TMTC2: variants seen among roughly 807,000 people sequenced by gnomAD.
TMTC2 encodes protein O-mannosyl-transferase TMTC2.
In TMTC2, 43 loss-of-function variants were observed where a neutral mutation model predicts 82.4. The observed-to-expected ratio is 0.52, with a 90% CI of 0.41 to 0.67. The LOEUF is 0.67. Among genes scored for constraint, TMTC2 ranks in the 30% least tolerant of loss-of-function variants. TMTC2 has a pLI of 0.00. For missense variants in TMTC2, 919 were observed against 1,012.4 expected, an observed-to-expected ratio of 0.91 and a Z score of 1.25; for synonymous variants, 408 against 381.9, an observed-to-expected ratio of 1.07 and a Z score of -0.80.
intron 4 of TMTC2, among the ~76,000 whole-genome samples, chr12:82,943,127 A>G (rs1457507199): frequency 6.6e-6 from 1 of 152,112 alleles, no homozygotes; most frequent in Non-Finnish European, 1.5e-5. Context: ...CAGTGTTTTT[A>G]AGAGATTTCG....
intron 4 of TMTC2, among the ~76,000 whole-genome samples, chr12:82,953,171 G>A (rs779241368): frequency 2.6e-5 from 4 of 152,100 alleles, no homozygotes; most frequent in African/African-American, 4.8e-5. Context: ...GAGGAAGTGC[G>A]CTCCTTTCAG....
At chr12:82,834,978 A>C (rs565680097) in intron 1 of TMTC2, among the ~76,000 whole-genome samples, 1 of 151,966 alleles carries the variant, frequency 6.6e-6, no homozygotes, top group African/African-American at 2.4e-5. Context: ...CCCGAGTTCA[A>C]ACAATTTTCC....
chr12:82,861,034 A>G (rs1320191668), intron 2 of TMTC2, among the ~76,000 whole-genome samples: 1 of 152,242 alleles, frequency 6.6e-6, no homozygotes, highest in Non-Finnish European at 1.5e-5. Flanking sequence ...TAATCATCTT[A>G]AATATCTTGC....
intron 1 of TMTC2, among the ~76,000 whole-genome samples, chr12:82,690,144 T>C (rs1305042171): frequency 1.3e-5 from 2 of 152,224 alleles, no homozygotes; most frequent in Non-Finnish European, 2.9e-5. Flanking sequence ...ATTTTCTATC[T>C]AACTACTGTA....
chr12:82,730,880 A>C (rs1479623440), intron 1 of TMTC2, among the ~76,000 whole-genome samples: 1 of 152,200 alleles, frequency 6.6e-6, no homozygotes, highest in Non-Finnish European at 1.5e-5. Context: ...GGGTATATGG[A>C]TAGCTATTCT....
intron 1 of TMTC2, among the ~76,000 whole-genome samples, chr12:82,764,634 C>A (rs1876842582): frequency 6.6e-6 from 1 of 152,060 alleles, no homozygotes; most frequent in Admixed American, 6.5e-5. Flanking sequence ...AATGATGAGA[C>A]AAGTCTCAAT....
intron 11 of TMTC2, among the ~76,000 whole-genome samples, chr12:83,104,158 G>A (rs2137536796): frequency 1.3e-5 from 2 of 152,332 alleles, no homozygotes; most frequent in Middle Eastern, 3.4e-3. Flanking sequence ...GCAGGGTTCA[G>A]CCCCAGAGGC....
rs570429339 is a variant in TMTC2, at chr12:82,858,962, G to A, written c.654+1382G>A. On this transcript the variant is annotated intron_variant, in intron 2 of 11. Coordinates refer to ENST00000321196, the MANE Select transcript of TMTC2 (RefSeq NM_152588.3). ...TATTAGAAGTACAACTAGGAGAAGTGTAATTCCTGCTCTTTGTCCTTAGGG... is the reference window on the plus strand; with the variant it reads ...TATTAGAAGTACAACTAGGAGAAGTATAATTCCTGCTCTTTGTCCTTAGGG... 7.9e-5 allele frequency among the ~76,000 whole-genome samples: 12 copies of A among 152,160 alleles called. 1 individual carries two copies. The South Asian group carries it at 2.5e-3, about 32-fold the overall frequency.
intron 3 of TMTC2, among the ~76,000 whole-genome samples, chr12:82,911,530 C>G (rs1037708912): frequency 2.0e-5 from 3 of 152,126 alleles, no homozygotes; most frequent in Non-Finnish European, 4.4e-5. Context: ...AAATAATGAT[C>G]AAACATATTA....
intron 8 of TMTC2, among the ~76,000 whole-genome samples, chr12:83,009,975 A>T (rs1050502609): frequency 1.3e-5 from 2 of 152,138 alleles, no homozygotes; most frequent in Non-Finnish European, 2.9e-5. Context: ...ATCTGACAGG[A>T]GATGGAGCTC....
chr12:83,024,219 A>G (rs1047483807), intron 8 of TMTC2, among the ~76,000 whole-genome samples: 2 of 152,222 alleles, frequency 1.3e-5, no homozygotes, highest in Non-Finnish European at 2.9e-5. Flanking sequence ...TGTCACATGT[A>G]ACACATAAAT....
intron 2 of TMTC2, among the ~76,000 whole-genome samples, chr12:82,868,547 C>T (rs1871986934): frequency 1.3e-5 from 2 of 151,994 alleles, no homozygotes; most frequent in African/African-American, 4.8e-5. Flanking sequence ...CAGGAGGGTG[C>T]TGTTAGTTAT....
At chr12:83,102,876 A>C (rs910873184) in intron 11 of TMTC2, among the ~76,000 whole-genome samples, 2 of 152,184 alleles carry the variant, frequency 1.3e-5, no homozygotes, top group East Asian at 1.9e-4. Flanking sequence ...AAACTAAACT[A>C]TTCCAAAGCC....
intron 3 of TMTC2, among the ~76,000 whole-genome samples, chr12:82,923,495 C>G (rs1875512343): frequency 6.6e-6 from 1 of 151,992 alleles, no homozygotes; most frequent in South Asian, 2.1e-4. Context: ...TTGAAGTACC[C>G]AAATCCATTA....
chr12:82,841,655 T>G (rs1392991080), intron 1 of TMTC2, among the ~76,000 whole-genome samples: 2 of 152,218 alleles, frequency 1.3e-5, no homozygotes, highest in Non-Finnish European at 2.9e-5. Flanking sequence ...TTCGCATGTG[T>G]GTTGCTACAA....
At chr12:82,939,256 G>A (rs1326796845) in intron 4 of TMTC2, among the ~76,000 whole-genome samples, 1 of 151,610 alleles carries the variant, frequency 6.6e-6, no homozygotes, top group Non-Finnish European at 1.5e-5. Context: ...TGAGTCGTAG[G>A]GTTGAAAACT....
intron 1 of TMTC2, among the ~76,000 whole-genome samples, chr12:82,849,718 A>G (rs1397361076): frequency 6.6e-6 from 1 of 152,134 alleles, no homozygotes; most frequent in East Asian, 1.9e-4. Flanking sequence ...TTGGTTGCAG[A>G]TGTCAGAATA....
intron 1 of TMTC2, among the ~76,000 whole-genome samples, chr12:82,766,704 A>G (rs566460329): frequency 1.3e-5 from 2 of 152,366 alleles, no homozygotes; most frequent in South Asian, 4.1e-4. Context: ...CTCCTTGAAT[A>G]AAAATCCCAC....
intron 8 of TMTC2, among the ~76,000 whole-genome samples, chr12:82,997,240 T>C (rs1035218910): frequency 9.5e-5 from 13 of 137,380 alleles, no homozygotes; most frequent in Non-Finnish European, 1.5e-4. Flanking sequence ...TATATAGTTA[T>C]GTATAGTTAT....
Sources: allele counts gnomAD v4.1 joint callset (sites outside exome capture counted in the v4.1 genomes callset), GRCh38; gene constraint gnomAD v4.1.1; transcripts MANE v1.5; gene names NCBI Gene and HGNC (gene_info 2026-07-23, HGNC 2026-07-21).